ZC3H7A: variants seen among roughly 807,000 people sequenced by gnomAD.
The protein encoded by ZC3H7A is zinc finger CCCH domain-containing protein 7A.
A neutral mutation model predicts 125.5 loss-of-function variants in ZC3H7A; 44 were observed. The ratio of observed to expected loss-of-function variants is 0.35; its 90% CI spans 0.28 to 0.45. ZC3H7A has a LOEUF of 0.45. Ranked by LOEUF, ZC3H7A falls within the 20% of genes least tolerant of loss-of-function variation. The pLI, the probability that ZC3H7A is intolerant of heterozygous loss-of-function variation, is 1.00. For synonymous variants in ZC3H7A, 399 were observed against 391.2 expected, an observed-to-expected ratio of 1.02 and a Z score of -0.23; for missense variants, 977 against 1,170.7, an observed-to-expected ratio of 0.83 and a Z score of 2.41.
intron 1 of ZC3H7A, among the ~76,000 whole-genome samples, chr16:11,788,348 T>C (rs1316113661): frequency 3.3e-5 from 5 of 152,118 alleles, no homozygotes; most frequent in Non-Finnish European, 7.4e-5. Context: ...CCATCAGATG[T>C]CAAATGCCCT....
intron 4 of ZC3H7A, among the ~76,000 whole-genome samples, chr16:11,777,961 G>C (rs2053110012): frequency 6.6e-6 from 1 of 151,202 alleles, no homozygotes; most frequent in Non-Finnish European, 1.5e-5. Context: ...GGAGGTTACG[G>C]TGAGCCAAGA....
Position 11,765,555 on chromosome 16 carries a change from T to G in ZC3H7A, c.1653A>C (p.Gly551=), listed in dbSNP as rs377706352. 1.2e-5 allele frequency: 20 copies of G among 1,614,188 alleles called. No homozygotes were observed. The highest frequency in any genetic ancestry group is 1.7e-5 in the Non-Finnish European group (20 of 1,180,028). The change falls in exon 14 of 23, where the codon GGA becomes GGC. Residue 551 remains glycine, a synonymous_variant. Transcript: ENST00000355758. This position sits in a 1 kb window ranked among gnomAD's most constrained non-coding sequence, Gnocchi z 4.8. ...GTTTGAACACAGTAAGGTTAATCTT[T>G]CCATTGCCGCCAAAGAAAGCCTCCC... ...FSREAFFGGN[G]KINLTVFKLL...
At chr16:11,792,243 A>G (rs1375339597) in intron 1 of ZC3H7A, among the ~76,000 whole-genome samples, 3 of 152,202 alleles carry the variant, frequency 2.0e-5, no homozygotes, top group African/African-American at 7.2e-5. Flanking sequence ...TTAAAGCAAG[A>G]AACTCAATTA....
intron 11 of ZC3H7A, 146 bp from the exon 12 acceptor site, chr16:11,768,647 T>A (rs1409254758): frequency 1.4e-6 from 1 of 729,980 alleles, no homozygotes; most frequent in African/African-American, 1.8e-5. Context: ...CTCTTCTATC[T>A]TAAAAACTGT....
In ZC3H7A at chr16:11,761,900, CA is replaced by C; in HGVS notation, c.2213+9del. 6.2e-7 allele frequency: 1 copy of C among 1,610,856 alleles called. No individual in the cohort carries two copies. Among genetic ancestry groups the C allele is most frequent in the Non-Finnish European group, 8.5e-7 (1 of 1,179,308 alleles). On this transcript the variant is annotated intron_variant, in intron 18 of 22. Transcript: ENST00000355758. ...ACAAAATAGGAATTGTTTCCACACA[CA>C]ATACTTACGAATGCCTTGCTTTTGC... is the stretch of plus-strand genomic sequence containing the variant.
chr16:11,785,989 C>T (rs950729070), intron 1 of ZC3H7A, among the ~76,000 whole-genome samples: 1 of 151,884 alleles, frequency 6.6e-6, no homozygotes, highest in Non-Finnish European at 1.5e-5. Context: ...TAAAATAGTC[C>T]CAGATGGAAT....
At position 11,770,964 on chromosome 16, in the gene ZC3H7A, G is replaced by A. The variant is rs572166059; in HGVS notation, c.927C>T (p.Pro309=). 3.7e-6 allele frequency: 6 copies of A among 1,611,470 alleles called. No individual in the cohort carries two copies. In the East Asian group the frequency reaches 8.9e-5, roughly 24 times the overall value. The change falls in exon 10 of 23, where the codon CCC becomes CCT. Residue 309 remains proline, a synonymous_variant. Coordinates refer to ENST00000355758, the MANE Select transcript of ZC3H7A (RefSeq NM_014153.4). ...TAGGAGAGACACTGGCTGTCTGAAG[G>A]GGTCCTCTGACTAAAGCTGACGGCT... ...TVMPSALVRG[P]LQTASVSPSM...
intron 3 of ZC3H7A, among the ~76,000 whole-genome samples, chr16:11,780,153 A>T: frequency 1.4e-5 from 2 of 138,782 alleles, no homozygotes; most frequent in South Asian, 2.2e-4. Flanking sequence ...ACAGAGTCTT[A>T]CTCTGGCACC....
chr16:11,760,122 G>GAAAAAAAAAAAAGAAAAAAA (rs2052722855), intron 19 of ZC3H7A, among the ~76,000 whole-genome samples: 1 of 82,532 alleles, frequency 1.2e-5, no homozygotes, highest in African/African-American at 5.4e-5. Flanking sequence ...AAGAAAAAAT[G>GAAAAAAAAAAAAGAAAAAAA]AAAAAAAAAA....
chr16:11,776,400 T>A (rs1010735566), intron 6 of ZC3H7A, 42 bp from the exon 7 acceptor site: 1 of 1,603,258 alleles, frequency 6.2e-7, no homozygotes. Flanking sequence ...CAGAACTGAC[T>A]CCAAGTTCTA....
chr16:11,781,814 A>G (rs1404200067), intron 2 of ZC3H7A, among the ~76,000 whole-genome samples: 2 of 152,130 alleles, frequency 1.3e-5, no homozygotes, highest in Admixed American at 1.3e-4. Context: ...AATTTACTGC[A>G]GTATAGAGAG....
chr16:11,758,926 A>C (rs2052696732), intron 19 of ZC3H7A: 1 of 210,466 alleles, frequency 4.8e-6, no homozygotes, highest in African/African-American at 2.4e-5. Context: ...AAAGCAGTAA[A>C]GAAACTGCAG....
intron 1 of ZC3H7A, among the ~76,000 whole-genome samples, chr16:11,787,506 G>C (rs995329832): frequency 6.6e-6 from 1 of 152,066 alleles, no homozygotes; most frequent in Non-Finnish European, 1.5e-5. Flanking sequence ...CTGTCATCCA[G>C]GCTAGAGTAC....
chr16:11,787,139 T>C (rs1294244562), intron 1 of ZC3H7A, among the ~76,000 whole-genome samples: 3 of 144,918 alleles, frequency 2.1e-5, no homozygotes, highest in Non-Finnish European at 4.6e-5. Flanking sequence ...AGAGACCCCA[T>C]CTCTACAAAA....
intron 20 of ZC3H7A, 125 bp downstream of exon 20, chr16:11,758,306 T>A (rs895021085): frequency 1.4e-6 from 1 of 725,062 alleles, no homozygotes; most frequent in East Asian, 2.7e-5. Context: ...GAGCTACTGA[T>A]GAAACGGGGC....
intron 11 of ZC3H7A, 112 bp downstream of exon 11, chr16:11,768,919 C>T (rs1282034160): frequency 7.5e-6 from 8 of 1,061,298 alleles, no homozygotes; most frequent in Non-Finnish European, 1.1e-5. Flanking sequence ...CAATTTCCTG[C>T]AGCACACACA....
At chr16:11,767,653 G>T in intron 12 of ZC3H7A, 75 bp from the exon 13 acceptor site, 1 of 1,353,586 alleles carries the variant, frequency 7.4e-7, no homozygotes. Flanking sequence ...TTTACAAGCA[G>T]ACATGAACAG....
At chr16:11,787,728 C>T (rs2053280428) in intron 1 of ZC3H7A, among the ~76,000 whole-genome samples, 1 of 151,992 alleles carries the variant, frequency 6.6e-6, no homozygotes, top group African/African-American at 2.4e-5. Context: ...GGCAGATCAC[C>T]TGAGGTCAGG....
intron 22 of ZC3H7A, 50 bp downstream of exon 22, chr16:11,752,619 A>T: frequency 6.3e-7 from 1 of 1,578,622 alleles, no homozygotes; most frequent in Non-Finnish European, 8.6e-7. Flanking sequence ...TGTCCATGAA[A>T]ATTTGAGGTC....
Sources: allele counts gnomAD v4.1 joint callset (sites outside exome capture counted in the v4.1 genomes callset), GRCh38; gene constraint gnomAD v4.1.1; non-coding constraint Gnocchi (gnomAD v3.1); transcripts MANE v1.5; gene names NCBI Gene and HGNC (gene_info 2026-07-23, HGNC 2026-07-21).